The following CCDC171 variants were observed in gnomAD, a reference collection of about 807,000 sequenced individuals.
CCDC171 encodes the protein coiled-coil domain-containing protein 171.
In CCDC171, 177 loss-of-function variants were observed where a neutral mutation model predicts 168.2. That is an observed-to-expected ratio of 1.05 (90% CI 0.93 to 1.19). The LOEUF is 1.19. Among genes scored for constraint, CCDC171 ranks in the 50% most tolerant of loss-of-function variants. The pLI is 0.00. For missense variants in CCDC171, 1,991 were observed against 1,539.0 expected (o/e 1.29, Z -4.91); for synonymous variants, 687 against 540.8 (o/e 1.27, Z -3.75).
chr9:15,842,424 TTAAA>T (rs1239371753), intron 21 of CCDC171, among the ~76,000 whole-genome samples: 1 of 152,082 alleles, frequency 6.6e-6, no homozygotes, highest in Non-Finnish European at 1.5e-5. Context: ...CATTTATTAA[TTAAA>T]TATTCCAATT....
At chr9:15,611,006 G>A (rs769204592) in intron 6 of CCDC171, among the ~76,000 whole-genome samples, 9 of 152,104 alleles carry the variant, frequency 5.9e-5, no homozygotes, top group Non-Finnish European at 8.8e-5. Flanking sequence ...CTGGTGGGAG[G>A]AGATCATGGG....
chr9:15,990,638 A>T (rs942461600), intron 3 of CCDC171, among the ~76,000 whole-genome samples: 1 of 152,232 alleles, frequency 6.6e-6, no homozygotes, highest in Non-Finnish European at 1.5e-5. Flanking sequence ...GGCAAACTGG[A>T]TAAAGCGTCA....
intron 10 of CCDC171, among the ~76,000 whole-genome samples, chr9:15,694,832 A>G (rs1204656755): frequency 6.6e-6 from 1 of 152,228 alleles, no homozygotes; most frequent in Non-Finnish European, 1.5e-5. Context: ...AATTGGTCTT[A>G]ACTGTCTTCA....
intron 21 of CCDC171, among the ~76,000 whole-genome samples, chr9:15,825,873 A>G (rs1490570163): frequency 6.6e-6 from 1 of 152,172 alleles, no homozygotes; most frequent in Non-Finnish European, 1.5e-5. Context: ...AAAATGTGGT[A>G]GACACTAAGC....
chr9:15,801,753 C>T (rs527923961), intron 21 of CCDC171, among the ~76,000 whole-genome samples: 2 of 151,930 alleles, frequency 1.3e-5, no homozygotes, highest in East Asian at 1.9e-4. Flanking sequence ...AGCTGTGGGT[C>T]TGTCATATAT....
intron 3 of CCDC171, among the ~76,000 whole-genome samples, chr9:16,000,903 T>G (rs1832522993): frequency 6.6e-6 from 1 of 152,058 alleles, no homozygotes; most frequent in Non-Finnish European, 1.5e-5. Context: ...AGTTACAGCC[T>G]TTGATGGGGG....
intron 8 of CCDC171, among the ~76,000 whole-genome samples, chr9:15,661,310 T>C (rs995284921): frequency 2.0e-5 from 3 of 150,988 alleles, no homozygotes; most frequent in Non-Finnish European, 4.4e-5. Context: ...AGTAACATGC[T>C]GTTTTTTGAC....
At chr9:15,795,155 C>A (rs1013117910) in intron 21 of CCDC171, among the ~76,000 whole-genome samples, 5 of 152,066 alleles carry the variant, frequency 3.3e-5, no homozygotes, top group African/African-American at 1.2e-4. Context: ...TATGTGTCAT[C>A]CCATGGCAGA....
intron 1 of CCDC171, among the ~76,000 whole-genome samples, chr9:15,557,191 T>C (rs1377416623): frequency 1.3e-5 from 2 of 152,176 alleles, no homozygotes; most frequent in Non-Finnish European, 2.9e-5. Context: ...TCCAGCTTTG[T>C]TCTTTTTGCT....
chr9:15,621,349 A>C (rs796472207), intron 6 of CCDC171, among the ~76,000 whole-genome samples: 78 of 152,346 alleles, frequency 5.1e-4, no homozygotes, highest in African/African-American at 1.7e-3. Flanking sequence ...CTATAGTGCA[A>C]ACATTACTTT....
At chr9:15,569,769 C>A (rs1351493722) in intron 2 of CCDC171, among the ~76,000 whole-genome samples, 1 of 151,138 alleles carries the variant, frequency 6.6e-6, no homozygotes, top group Non-Finnish European at 1.5e-5. Flanking sequence ...GAGCCGAGAT[C>A]GTGCCACTGC....
intron 21 of CCDC171, among the ~76,000 whole-genome samples, chr9:15,809,577 G>A (rs142148786): frequency 3.6e-4 from 55 of 152,162 alleles, no homozygotes; most frequent in African/African-American, 1.3e-3. Context: ...AGACTTTCGC[G>A]GTGTGTGTTA....
chr9:15,894,760 G>A (rs1485468124), intron 24 of CCDC171, among the ~76,000 whole-genome samples: 1 of 151,926 alleles, frequency 6.6e-6, no homozygotes, highest in Non-Finnish European at 1.5e-5. Context: ...TTATGTCTTT[G>A]CATAAATATC....
At chr9:15,683,693 G>C (rs185597123) in intron 10 of CCDC171, among the ~76,000 whole-genome samples, 118 of 152,020 alleles carry the variant, frequency 7.8e-4, no homozygotes, top group Non-Finnish European at 1.4e-3. Flanking sequence ...TTTGCATTAA[G>C]CCTTTTGAAA....
chr9:15,740,987 T>A (rs1187509532), intron 16 of CCDC171, among the ~76,000 whole-genome samples: 1 of 152,194 alleles, frequency 6.6e-6, no homozygotes, highest in Non-Finnish European at 1.5e-5. Context: ...CTCATATAGA[T>A]TTTTTACATT....
At chr9:15,962,096 A>G (rs1380532922) in intron 25 of CCDC171, among the ~76,000 whole-genome samples, 2 of 152,236 alleles carry the variant, frequency 1.3e-5, no homozygotes, top group Non-Finnish European at 2.9e-5. Flanking sequence ...ATAAAGTTAT[A>G]TTGGAACACA....
chr9:15,838,100 C>G (rs367691569), intron 21 of CCDC171, among the ~76,000 whole-genome samples: 1 of 151,908 alleles, frequency 6.6e-6, no homozygotes, highest in Non-Finnish European at 1.5e-5. Flanking sequence ...AATTCATATA[C>G]CTTGTAGGAT....
At position 15,906,099 on chromosome 9, in the gene CCDC171, G is replaced by A. The variant is rs555558720; in HGVS notation, c.3601-14171G>A. 2.6e-5 allele frequency among the ~76,000 whole-genome samples: 4 copies of A among 152,324 alleles called. No individual in the cohort carries two copies. In the South Asian group the frequency reaches 8.3e-4, roughly 32 times the overall value. ...AGCCGAATTCTACCAGAGGTACAAGGAGGAGCTGTTACCATTCCTTCTGAA... is the reference window on the plus strand; with the variant it reads ...AGCCGAATTCTACCAGAGGTACAAGAAGGAGCTGTTACCATTCCTTCTGAA... On this transcript the variant is annotated intron_variant, in intron 24 of 25. Coordinates refer to ENST00000380701, the MANE Select transcript of CCDC171 (RefSeq NM_173550.4).
At chr9:16,018,742 C>G (rs1233669715) in intron 3 of CCDC171, among the ~76,000 whole-genome samples, 1 of 152,190 alleles carries the variant, frequency 6.6e-6, no homozygotes, top group Non-Finnish European at 1.5e-5. Context: ...ATAACTGAGT[C>G]TACTTTTTTT....
Sources: gnomAD v4.1 joint callset for allele counts (sites outside exome capture counted in the v4.1 genomes callset) on GRCh38, gnomAD v4.1.1 for gene constraint, MANE v1.5 for transcripts, NCBI Gene and HGNC (gene_info 2026-07-23, HGNC 2026-07-21) for gene names.